Variants in NRG3 observed in about 807,000 individuals in gnomAD.
NRG3 encodes neuregulin 3.
In NRG3, 31 loss-of-function variants were observed where a neutral mutation model predicts 66.9. The ratio of observed to expected loss-of-function variants is 0.46; its 90% confidence interval spans 0.35 to 0.63. NRG3 has a LOEUF of 0.63. Among genes scored for constraint, NRG3 ranks in the 20% least tolerant of loss-of-function variants. The pLI is 0.00. For missense variants in NRG3, 910 were observed against 878.9 expected, an observed-to-expected ratio of 1.04 and a Z score of -0.45; for synonymous variants, 393 against 359.4, an observed-to-expected ratio of 1.09 and a Z score of -1.06.
At chr10:82,616,119 A>G (rs903583305) in intron 2 of NRG3, among the ~76,000 whole-genome samples, 1 of 152,184 alleles carries the variant, frequency 6.6e-6, no homozygotes, top group Non-Finnish European at 1.5e-5. Flanking sequence ...AATGTCCTTC[A>G]ACATCTTTTA....
chr10:82,657,762 GA>G (rs1176170651), intron 2 of NRG3, among the ~76,000 whole-genome samples: 3 of 151,960 alleles, frequency 2.0e-5, no homozygotes, highest in Non-Finnish European at 4.4e-5. Context: ...TTATGTCAAA[GA>G]ATTTGACAAC....
At position 81,879,329 on chromosome 10, in the gene NRG3, A is replaced by G. The variant is rs1328784741; in HGVS notation, c.823+3166A>G. On this transcript the variant is annotated intron_variant, in intron 1 of 8. Transcript: ENST00000372141. The stretch of plus-strand genomic sequence containing the variant: ...TTTTTCAAGCCAAAGGGAGGAGGTC[A>G]CTACAGACAGTAGAAAACAGTGATT... Among the ~76,000 whole-genome samples the G allele has an allele frequency of 1.3e-5, 2 of 152,228 alleles. 1 individual carries two copies. Among genetic ancestry groups the G allele is most frequent in the Non-Finnish European group, 2.9e-5 (2 of 68,036 alleles).
At chr10:82,463,343 G>A (rs1235637681) in intron 2 of NRG3, among the ~76,000 whole-genome samples, 2 of 152,136 alleles carry the variant, frequency 1.3e-5, no homozygotes, top group African/African-American at 4.8e-5. Context: ...TGTGGCTGAA[G>A]CATTAGTCAA....
intron 2 of NRG3, among the ~76,000 whole-genome samples, chr10:82,725,583 A>G (rs1288239990): frequency 1.3e-5 from 2 of 152,206 alleles, no homozygotes; most frequent in Non-Finnish European, 2.9e-5. Context: ...AATAGTTCCT[A>G]CTACTGTGAC....
intron 2 of NRG3, among the ~76,000 whole-genome samples, chr10:82,520,645 T>C (rs1434744414): frequency 6.6e-6 from 1 of 152,174 alleles, no homozygotes; most frequent in Non-Finnish European, 1.5e-5. Flanking sequence ...CCCATAGTTT[T>C]ACTGGGTAAA....
At chr10:82,182,050 G>A (rs1030056617) in intron 1 of NRG3, among the ~76,000 whole-genome samples, 2 of 151,170 alleles carry the variant, frequency 1.3e-5, no homozygotes, top group African/African-American at 2.4e-5. Context: ...TATTTTGTCT[G>A]GTATAAGTAT....
intron 3 of NRG3, among the ~76,000 whole-genome samples, chr10:82,842,549 A>T (rs2063109987): frequency 6.6e-6 from 1 of 152,148 alleles, no homozygotes; most frequent in African/African-American, 2.4e-5. Flanking sequence ...GTTTTGATAG[A>T]TACATCATAA....
chr10:82,765,832 A>G (rs2059493763), intron 3 of NRG3, among the ~76,000 whole-genome samples: 1 of 152,186 alleles, frequency 6.6e-6, no homozygotes, highest in Admixed American at 6.5e-5. Context: ...TATCATCTAT[A>G]TGAACATGAT....
chr10:82,870,046 T>TAG (rs1841179092), intron 4 of NRG3, among the ~76,000 whole-genome samples: 1 of 149,152 alleles, frequency 6.7e-6, no homozygotes, highest in East Asian at 2.0e-4. Flanking sequence ...TTTTTTGTAT[T>TAG]TTTAGTAGAG....
intron 1 of NRG3, among the ~76,000 whole-genome samples, chr10:82,169,995 GT>G (rs34710450): frequency 0.84 from 119,396 of 142,748 alleles, 49,730 homozygotes; most frequent in Middle Eastern, 0.87. Flanking sequence ...TTTCATGTGT[GT>G]TTTTTTTTTT....
At position 82,195,838 on chromosome 10, in the gene NRG3, G is replaced by T. The variant is rs527623394; in HGVS notation, c.824-162901G>T. On this transcript the variant is annotated intron_variant, in intron 1 of 8. Coordinates refer to ENST00000372141, the MANE Select transcript of NRG3 (RefSeq NM_001010848.4). ...GAGGGACACAGCATGAAAAGGACTC[G>T]ACTGGCCATTTCTGGCTCTGAAGAC... Among the ~76,000 whole-genome samples, 8 of 152,298 alleles carry T rather than the reference G, an allele frequency of 5.3e-5. No homozygotes were observed. In the South Asian group the frequency reaches 1.7e-3, roughly 32 times the overall value.
chr10:82,492,668 T>C (rs1481881444), intron 2 of NRG3, among the ~76,000 whole-genome samples: 1 of 152,222 alleles, frequency 6.6e-6, no homozygotes, highest in Non-Finnish European at 1.5e-5. Context: ...GAAAGTTGAA[T>C]GTATAAGTTC....
At chr10:81,995,620 G>A (rs2060909343) in intron 1 of NRG3, among the ~76,000 whole-genome samples, 1 of 152,178 alleles carries the variant, frequency 6.6e-6, no homozygotes, top group South Asian at 2.1e-4. Flanking sequence ...GCTGTTCCTG[G>A]TACTGGCCTT....
chr10:81,910,522 A>AT (rs199932167), intron 1 of NRG3, among the ~76,000 whole-genome samples: 1,582 of 152,360 alleles, frequency 0.01, 33 homozygotes, highest in African/African-American at 0.036. Flanking sequence ...CATATTTTTT[A>AT]ACCTTAGTGA....
intron 2 of NRG3, among the ~76,000 whole-genome samples, chr10:82,737,939 G>T (rs777089823): frequency 3.3e-5 from 5 of 152,168 alleles, no homozygotes; most frequent in Non-Finnish European, 7.3e-5. Context: ...CTTTGCACTT[G>T]TTTACTGAAT....
At chr10:81,906,794 A>C (rs568994022) in intron 1 of NRG3, among the ~76,000 whole-genome samples, 2 of 152,310 alleles carry the variant, frequency 1.3e-5, no homozygotes, top group East Asian at 3.9e-4. Context: ...AAGTTATCAC[A>C]GTGGTCTTGG....
In NRG3 at chr10:82,132,489, T is replaced by TG. The variant is rs373173389; in HGVS notation, c.824-226250_824-226249insG. On this transcript the variant is annotated intron_variant, in intron 1 of 8. Coordinates refer to ENST00000372141, the MANE Select transcript of NRG3 (RefSeq NM_001010848.4). ...ATATGATATATATATGATATATATATATGATATATATATATCATATATATA... is the reference window on the plus strand; with the variant it reads ...ATATGATATATATATGATATATATATGATGATATATATATATCATATATATA... Among the ~76,000 whole-genome samples the TG allele has an allele frequency of 1.4e-3, 81 of 56,812 alleles. 9 individuals are homozygous for TG. Among genetic ancestry groups the TG allele is most frequent in the Middle Eastern group, 8.1e-3 (1 of 124 alleles). The allele number at this position is 56,812 out of a possible 152,430, so 37.3% of individuals were successfully genotyped here.
chr10:82,734,429 T>C (rs1362412008), intron 2 of NRG3, among the ~76,000 whole-genome samples: 2 of 152,080 alleles, frequency 1.3e-5, no homozygotes, highest in African/African-American at 4.8e-5. Context: ...ACTAATAGAA[T>C]ATCAACCTAG....
intron 1 of NRG3, among the ~76,000 whole-genome samples, chr10:82,283,400 C>T (rs1589584843): frequency 6.6e-6 from 1 of 152,132 alleles, no homozygotes; most frequent in African/African-American, 2.4e-5. Context: ...TCTGGCAGTA[C>T]ACAGAGTCAA....
Sources: allele counts gnomAD v4.1 joint callset (sites outside exome capture counted in the v4.1 genomes callset), GRCh38; gene constraint gnomAD v4.1.1; transcripts MANE v1.5; gene names NCBI Gene and HGNC (gene_info 2026-07-23, HGNC 2026-07-21).